The following CSMD1 variants were observed in gnomAD, a reference collection of about 807,000 sequenced individuals.
CSMD1 encodes the protein CUB and sushi domain-containing protein 1.
In CSMD1, 213 loss-of-function variants were observed where a neutral mutation model predicts 417.5. The observed-to-expected ratio is 0.51, with a 90% CI of 0.46 to 0.57. The LOEUF is 0.57. Among genes scored for constraint, CSMD1 ranks in the 20% least tolerant of loss-of-function variants. The pLI, the probability that CSMD1 is intolerant of heterozygous loss-of-function variation, is 0.00. For missense variants in CSMD1, 6,923 were observed against 4,529.7 expected (o/e 1.53, Z -15.17); for synonymous variants, 2,862 against 1,736.8 (o/e 1.65, Z -16.11).
chr8:4,888,910 T>A (rs1223587647), intron 1 of CSMD1, among the ~76,000 whole-genome samples: 1 of 152,086 alleles, frequency 6.6e-6, no homozygotes, highest in Admixed American at 6.5e-5. Flanking sequence ...CACAAATTAA[T>A]AATTAAATGA....
intron 12 of CSMD1, among the ~76,000 whole-genome samples, chr8:3,447,694 C>T (rs927291385): frequency 1.3e-5 from 2 of 152,180 alleles, no homozygotes; most frequent in Admixed American, 6.5e-5. Context: ...GCTCCCACTT[C>T]CTGGGGGTTT....
chr8:4,299,128 A>C (rs939566683), intron 3 of CSMD1, among the ~76,000 whole-genome samples: 4 of 152,220 alleles, frequency 2.6e-5, no homozygotes, highest in Non-Finnish European at 5.9e-5. Flanking sequence ...AAACATTAAA[A>C]GATCTTGCCA....
chr8:4,729,014 C>T (rs1363199499), intron 1 of CSMD1, among the ~76,000 whole-genome samples: 1 of 151,942 alleles, frequency 6.6e-6, no homozygotes, highest in Non-Finnish European at 1.5e-5. Context: ...ATCTAGAAGG[C>T]GTTAGTATAC....
chr8:4,676,291 C>G (rs1233660027), intron 1 of CSMD1, among the ~76,000 whole-genome samples: 4 of 152,088 alleles, frequency 2.6e-5, no homozygotes, highest in Admixed American at 2.0e-4. Context: ...GATAAATTAG[C>G]CATGTTTCTC....
intron 5 of CSMD1, among the ~76,000 whole-genome samples, chr8:3,960,477 C>T (rs1017616500): frequency 3.3e-5 from 5 of 151,996 alleles, no homozygotes; most frequent in Non-Finnish European, 4.4e-5. Context: ...ATTATTTATG[C>T]CTTTAAAGAC....
chr8:3,692,837 C>G (rs767676161), intron 7 of CSMD1, among the ~76,000 whole-genome samples: 2 of 152,116 alleles, frequency 1.3e-5, no homozygotes, highest in Non-Finnish European at 2.9e-5. Context: ...TATTATTAGG[C>G]ATTAGTAATG....
chr8:4,050,028 G>T (rs1052236818), intron 3 of CSMD1, among the ~76,000 whole-genome samples: 1 of 152,096 alleles, frequency 6.6e-6, no homozygotes, highest in African/African-American at 2.4e-5. Context: ...CAGAAGTTGC[G>T]GCCAGATATT....
intron 3 of CSMD1, among the ~76,000 whole-genome samples, chr8:4,239,841 A>G (rs1209119412): frequency 2.0e-5 from 3 of 152,216 alleles, no homozygotes; most frequent in Non-Finnish European, 4.4e-5. Context: ...ATGTGTCTAC[A>G]CTATTTTGGA....
intron 1 of CSMD1, among the ~76,000 whole-genome samples, chr8:4,982,150 A>T (rs1039227164): frequency 1.3e-5 from 2 of 152,206 alleles, no homozygotes; most frequent in African/African-American, 4.8e-5. Context: ...TGAGACCTTA[A>T]GCAGAGACCC....
At chr8:3,961,954 A>G (rs1331835047) in intron 5 of CSMD1, among the ~76,000 whole-genome samples, 1 of 152,178 alleles carries the variant, frequency 6.6e-6, no homozygotes, top group African/African-American at 2.4e-5. Flanking sequence ...AATACCACAT[A>G]TTGAAAGGAA....
intron 4 of CSMD1, among the ~76,000 whole-genome samples, chr8:4,027,542 C>G (rs1797125813): frequency 6.6e-6 from 1 of 152,104 alleles, no homozygotes; most frequent in African/African-American, 2.4e-5. Flanking sequence ...TCCTGCTGTC[C>G]TGTGAAAACG....
rs185280352 is a variant in CSMD1, at chr8:4,288,744, T to C, written c.415+131209A>G. Among the ~76,000 whole-genome samples the C allele has an allele frequency of 5.1e-4, 77 of 152,330 alleles. 1 individual carries two copies. Among genetic ancestry groups the C allele is most frequent in the African/African-American group, 1.8e-3 (73 of 41,580 alleles). ...ATCTATGATTCCAAGATCTCTCAGA[T>C]GGTCAACCTCCCAACTCTAAGATCT... On this transcript the variant is annotated intron_variant, in intron 3 of 69. Transcript: ENST00000635120.
intron 6 of CSMD1, among the ~76,000 whole-genome samples, chr8:3,715,189 G>A (rs910448802): frequency 2.6e-5 from 4 of 152,078 alleles, no homozygotes; most frequent in East Asian, 1.9e-4. Flanking sequence ...ATTCATCAAA[G>A]TACCTGTATA....
chr8:3,957,188 G>T (rs1455732118), intron 5 of CSMD1, among the ~76,000 whole-genome samples: 1 of 152,118 alleles, frequency 6.6e-6, no homozygotes, highest in African/African-American at 2.4e-5. Context: ...TGTAACTGCA[G>T]AACTAAAACA....
At chr8:3,171,394 C>T (rs1468597400) in intron 37 of CSMD1, among the ~76,000 whole-genome samples, 1 of 152,188 alleles carries the variant, frequency 6.6e-6, no homozygotes, top group African/African-American at 2.4e-5. Context: ...AAACTTTACT[C>T]ACCACCCATC....
At chr8:4,742,628 A>G (rs1385349550) in intron 1 of CSMD1, among the ~76,000 whole-genome samples, 1 of 152,120 alleles carries the variant, frequency 6.6e-6, no homozygotes. Context: ...TACTGCTTCT[A>G]TTATGCTTGG....
chr8:4,786,336 G>A (rs77675764), intron 1 of CSMD1, among the ~76,000 whole-genome samples: 1,604 of 152,258 alleles, frequency 0.011, 14 homozygotes, highest in East Asian at 0.057. Flanking sequence ...GTGAATTTGG[G>A]TATAATATTT....
intron 1 of CSMD1, among the ~76,000 whole-genome samples, chr8:4,934,987 T>C (rs374573211): frequency 5.9e-5 from 9 of 152,340 alleles, no homozygotes; most frequent in Middle Eastern, 6.8e-3. Context: ...CAATCATCTG[T>C]CTATATTCAT....
chr8:3,516,965 G>C (rs1046748896), intron 10 of CSMD1, among the ~76,000 whole-genome samples: 18 of 152,230 alleles, frequency 1.2e-4, no homozygotes, highest in African/African-American at 4.1e-4. Context: ...GGATGCTTCT[G>C]TAAGAATGAG....
Sources: gnomAD v4.1 joint callset for allele counts (sites outside exome capture counted in the v4.1 genomes callset) on GRCh38, gnomAD v4.1.1 for gene constraint, MANE v1.5 for transcripts, NCBI Gene and HGNC (gene_info 2026-07-23, HGNC 2026-07-21) for gene names.